The following PITPNM2 variants were observed in gnomAD, a reference collection of about 807,000 sequenced individuals.
PITPNM2 encodes phosphatidylinositol transfer protein membrane associated 2, also known as membrane-associated phosphatidylinositol transfer protein 2.
In PITPNM2, 35 loss-of-function variants were observed where a neutral mutation model predicts 132.2. The observed-to-expected ratio is 0.26, with a 90% CI of 0.20 to 0.35. The LOEUF (loss-of-function observed/expected upper bound fraction) is 0.35. Among genes scored for constraint, PITPNM2 ranks in the 10% least tolerant of loss-of-function variants. PITPNM2 has a pLI of 1.00. For synonymous variants in PITPNM2, 738 were observed against 799.2 expected (o/e 0.92, Z 1.29); for missense variants, 1,332 against 1,912.0 (o/e 0.70, Z 5.66).
In PITPNM2 at chr12:122,984,849, G is replaced by C. The variant is rs1160061127; in HGVS notation, c.*1178C>G. ...GTCACGCTTGGTGCTGGGGAGAGAG[G>C]GCAGACGGTCAGACCCAGCGTGCAG... On this transcript the variant is annotated 3_prime_UTR_variant, in exon 26 of 26. Coordinates refer to ENST00000320201, the MANE Select transcript of PITPNM2 (RefSeq NM_020845.3). 6.6e-6 allele frequency: 1 copy of C among 152,290 alleles called. No homozygotes were observed. The highest frequency in any genetic ancestry group is 1.5e-5 in the Non-Finnish European group (1 of 68,072). The allele number at this position is 152,290 out of a possible 1,614,324, so 9.4% of individuals were successfully genotyped here. A position where few individuals can be genotyped will look rare whatever the true frequency, so the allele number is the denominator to read the frequency against.
chr12:123,070,950 G>A (rs963901032), intron 2 of PITPNM2, among the ~76,000 whole-genome samples: 1 of 152,242 alleles, frequency 6.6e-6, no homozygotes, highest in Non-Finnish European at 1.5e-5. Context: ...ACAGGGGGAT[G>A]CAGGGAAGGA....
In PITPNM2 at chr12:122,988,236, G is replaced by T; in HGVS notation, c.2995C>A (p.Arg999=). 1 of 1,612,250 alleles carries T rather than the reference G, an allele frequency of 6.2e-7. No homozygotes were observed. Among genetic ancestry groups the T allele is most frequent in the South Asian group, 1.1e-5 (1 of 91,080 alleles). Residue 999 remains arginine, a splice_region_variant and synonymous_variant, in exon 20 of 26, where the codon CGG becomes AGG. Coordinates refer to ENST00000320201, the MANE Select transcript of PITPNM2 (RefSeq NM_020845.3). The part of the protein sequence containing the change: ...WQRKRTHVKL[R]NVTANHRIND... ...CTGGGCGCCCGGGGGACCCTCACCC[G>T]CAGCTTCACGTGGGTCCGCTTGCGC... is the stretch of plus-strand genomic sequence containing the variant.
At position 122,997,440 on chromosome 12, in the gene PITPNM2, C is replaced by T. The variant is rs150645020; in HGVS notation, c.1357G>A (p.Ala453Thr). ...CGCATGACGGTGTCGAACACGTTGG[C>T]GATGGTGTTAGCATCGCCCTTCTTG... is the stretch of plus-strand genomic sequence containing the variant. ...SSKKGDANTI[A>T]NVFDTVMRVH... The change falls in exon 11 of 26, where the codon GCC (alanine) becomes ACC (threonine). Residue 453 changes from alanine to threonine, a missense_variant. By Grantham distance (58) the Ala-to-Thr change is moderately conservative. Transcript: ENST00000320201. 5.2e-5 allele frequency: 84 copies of T among 1,613,524 alleles called. No homozygotes were observed. Among genetic ancestry groups the T allele is most frequent in the Admixed American group, 3.7e-4 (22 of 60,032 alleles).
chr12:123,150,547 T>A lies in PITPNM2; in HGVS notation c.-200+206A>T, dbSNP rs569245784. On this transcript the variant is annotated intron_variant, in intron 1 of 25. Coordinates refer to ENST00000320201, the MANE Select transcript of PITPNM2 (RefSeq NM_020845.3). This position sits in a 1 kb window ranked among gnomAD's most constrained non-coding sequence, Gnocchi z 6.0. Reference sequence around the variant, plus strand: ...TCACTGAGGCCAGGCTCGGGCGGTCTCCCGAGCGGGGCTCCCGTACGCCAC... The same window carrying A: ...TCACTGAGGCCAGGCTCGGGCGGTCACCCGAGCGGGGCTCCCGTACGCCAC... Among the ~76,000 whole-genome samples, 1 of 151,808 alleles carries A rather than the reference T, an allele frequency of 6.6e-6. No homozygotes were observed. Among genetic ancestry groups the A allele is most frequent in the Admixed American group, 6.6e-5 (1 of 15,258 alleles).
chr12:123,033,034 G>A (rs527911864), intron 3 of PITPNM2, among the ~76,000 whole-genome samples: 1 of 152,362 alleles, frequency 6.6e-6, no homozygotes, highest in South Asian at 2.1e-4. Context: ...CCTGACCTGG[G>A]TGGAAGGTGG....
At chr12:123,003,285 C>T (rs1416580833) in intron 8 of PITPNM2, among the ~76,000 whole-genome samples, 1 of 152,220 alleles carries the variant, frequency 6.6e-6, no homozygotes. Context: ...CGGCCCCCCT[C>T]CAGTCCTGGA....
Position 122,995,559 on chromosome 12 carries a change from GCCA to G in PITPNM2, c.1881_1883del (p.Gly628del), listed in dbSNP as rs1461731917. 8 of 1,608,926 alleles carry G rather than the reference GCCA, an allele frequency of 5.0e-6. No individual in the cohort carries two copies. The highest frequency in any genetic ancestry group is 1.3e-5 in the African/African-American group (1 of 74,788). ...TCTCCAGGCTGGAGCCACCACTACT[GCCA>G]CCACCACCACTGCTGCCACCACCGC... On this transcript the variant is annotated inframe_deletion, in exon 14 of 26. Transcript: ENST00000320201.
chr12:123,052,770 A>C (rs910501489), intron 2 of PITPNM2, among the ~76,000 whole-genome samples: 1 of 147,096 alleles, frequency 6.8e-6, no homozygotes, highest in African/African-American at 2.5e-5. Flanking sequence ...GAAATTTGCT[A>C]ATATTTTATT....
chr12:123,007,805 G>A (rs1480788469), intron 6 of PITPNM2, among the ~76,000 whole-genome samples: 1 of 152,054 alleles, frequency 6.6e-6, no homozygotes. Flanking sequence ...GGAAGGGCTG[G>A]GACATGCACT....
At chr12:123,039,984 T>TA (rs955735583) in intron 2 of PITPNM2, among the ~76,000 whole-genome samples, 2 of 152,038 alleles carry the variant, frequency 1.3e-5, no homozygotes, top group African/African-American at 4.8e-5. Context: ...ATACAAAAGT[T>TA]AGCCAGGTGT....
intron 2 of PITPNM2, among the ~76,000 whole-genome samples, chr12:123,080,304 G>A (rs949072825): frequency 3.3e-5 from 5 of 151,920 alleles, no homozygotes; most frequent in East Asian, 1.9e-4. Context: ...CTGCAGCCTC[G>A]ACCTCCTGGA....
At chr12:123,092,682 G>A (rs1479927865) in intron 2 of PITPNM2, 1 of 152,216 alleles carries the variant, frequency 6.6e-6, no homozygotes, top group Non-Finnish European at 1.5e-5. Context: ...AGCCACCTCT[G>A]CCTTTGCCAT....
chr12:122,992,023 C>G lies in PITPNM2; in HGVS notation c.2404+476G>C, dbSNP rs955988914. ...GGACGTGACAAGACGCTGGGACACA[C>G]GCTGGGGCAGGGGTCGGGCCAAGCC... On this transcript the variant is annotated intron_variant, in intron 16 of 25. Coordinates refer to ENST00000320201, the MANE Select transcript of PITPNM2 (RefSeq NM_020845.3). This position sits in a 1 kb window ranked among gnomAD's most constrained non-coding sequence, Gnocchi z 6.5. 3.2e-6 allele frequency: 3 copies of G among 936,584 alleles called. No homozygotes were observed. 58.0% of individuals were successfully genotyped at this position (936,584 alleles called of 1,614,324 possible).
At chr12:123,080,833 T>A (rs2041938893) in intron 2 of PITPNM2, among the ~76,000 whole-genome samples, 1 of 152,200 alleles carries the variant, frequency 6.6e-6, no homozygotes, top group Non-Finnish European at 1.5e-5. Context: ...ATGGGTTTGC[T>A]CTAGAGATGA....
intron 2 of PITPNM2, among the ~76,000 whole-genome samples, chr12:123,057,962 G>A (rs779716551): frequency 6.6e-5 from 10 of 152,152 alleles, no homozygotes; most frequent in Non-Finnish European, 1.2e-4. Flanking sequence ...GTGACCCTCC[G>A]TGCCAGCTGG....
chr12:123,000,786 T>G lies in PITPNM2; in HGVS notation c.1216A>C (p.Ile406Leu). The G allele has an allele frequency of 6.2e-7, 1 of 1,614,026 alleles. No individual in the cohort carries two copies. The highest frequency in any genetic ancestry group is 8.5e-7 in the Non-Finnish European group (1 of 1,180,010). Residue 406 changes from isoleucine (I) to leucine (L), a missense_variant, in exon 10 of 26, where the codon ATC becomes CTC. By Grantham distance (5) the Ile-to-Leu change is conservative. Transcript: ENST00000320201. The surrounding 1 kb of genome is among the most constrained non-coding windows in gnomAD (Gnocchi z 5.4). ...GACACCCGGGCACCCACCTCTATGA[T>G]GTTCAGCTGCTCCACACTGGAGGCC... is the stretch of plus-strand genomic sequence containing the variant. Reference protein sequence around the residue: ...RVASSVEQLNIIEDEVSQPLA... With the variant: ...RVASSVEQLNLIEDEVSQPLA...
intron 2 of PITPNM2, among the ~76,000 whole-genome samples, chr12:123,080,255 G>T (rs2137000288): frequency 6.6e-6 from 1 of 152,040 alleles, no homozygotes; most frequent in South Asian, 2.1e-4. Context: ...GTCTCACTCT[G>T]TTGCCCAGGC....
chr12:123,107,023 T>C (rs1396780263), intron 2 of PITPNM2, among the ~76,000 whole-genome samples: 1 of 152,004 alleles, frequency 6.6e-6, no homozygotes, highest in Non-Finnish European at 1.5e-5. Context: ...TGGGACTTCA[T>C]CCAAGGGGCT....
At position 123,150,853 on chromosome 12, in the gene PITPNM2, C is replaced by A. The variant is rs1248331879; in HGVS notation, c.-300G>T. Reference sequence around the variant, plus strand: ...GGGAGCGCCCGCCCCGCGGCCCCGGCCCGGCCGGCTGCGCCCCGCGCGCCC... The same window carrying A: ...GGGAGCGCCCGCCCCGCGGCCCCGGACCGGCCGGCTGCGCCCCGCGCGCCC... On this transcript the variant is annotated 5_prime_UTR_variant, in exon 1 of 26. Transcript: ENST00000320201. The surrounding 1 kb of genome is among the most constrained non-coding windows in gnomAD (Gnocchi z 6.0). 6.9e-6 allele frequency among the ~76,000 whole-genome samples: 1 copy of A among 145,912 alleles called. No homozygotes were observed. Among genetic ancestry groups the A allele is most frequent in the Non-Finnish European group, 1.5e-5 (1 of 65,664 alleles).
Sources: allele counts gnomAD v4.1 joint callset (sites outside exome capture counted in the v4.1 genomes callset), GRCh38; gene constraint gnomAD v4.1.1; non-coding constraint Gnocchi (gnomAD v3.1); transcripts MANE v1.5; gene names NCBI Gene and HGNC (gene_info 2026-07-23, HGNC 2026-07-21).